CTNND2: variants seen among roughly 807,000 people sequenced by gnomAD.
The protein encoded by CTNND2 is catenin delta-2.
Under a neutral mutation model 144.4 loss-of-function variants are expected in CTNND2, and 22 were observed. The observed-to-expected ratio is 0.15, with a 90% CI of 0.11 to 0.22. The LOEUF is 0.22. Among genes scored for constraint, CTNND2 ranks in the 10% least tolerant of loss-of-function variants. CTNND2 has a pLI of 1.00. For missense variants in CTNND2, 1,353 were observed against 1,618.8 expected, an observed-to-expected ratio of 0.84 and a Z score of 2.82; for synonymous variants, 751 against 695.6, an observed-to-expected ratio of 1.08 and a Z score of -1.25.
At chr5:11,106,332 C>T (rs1390825868) in intron 14 of CTNND2, among the ~76,000 whole-genome samples, 4 of 152,208 alleles carry the variant, frequency 2.6e-5, no homozygotes, top group African/African-American at 4.8e-5. Flanking sequence ...TGGTTCGCCA[C>T]GTCATGGTAT....
rs1003101533 is a variant in CTNND2, at chr5:11,337,187, G to A, written c.1628+9185C>T. Among the ~76,000 whole-genome samples, 43 of 152,086 alleles carry A rather than the reference G, an allele frequency of 2.8e-4. 1 individual carries two copies. The highest frequency in any genetic ancestry group is 1.0e-3 in the African/African-American group (42 of 41,412). On this transcript the variant is annotated intron_variant, in intron 9 of 21. Transcript: ENST00000304623. ...AGCAGGAAATAAATGGGAAGCACAC[G>A]GATTTTAAATACAATCTGTGCATCC...
chr5:11,237,299 G>A (rs908015596), intron 9 of CTNND2, among the ~76,000 whole-genome samples: 3 of 152,122 alleles, frequency 2.0e-5, no homozygotes, highest in East Asian at 1.9e-4. Context: ...GATTACAGGC[G>A]TGAGCCAGCG....
chr5:11,598,929 G>A (rs1779651163), intron 2 of CTNND2, among the ~76,000 whole-genome samples: 1 of 152,130 alleles, frequency 6.6e-6, no homozygotes, highest in African/African-American at 2.4e-5. Flanking sequence ...GCATGGCTGG[G>A]GAGCCTCAGG....
At chr5:11,233,924 T>A (rs1741331204) in intron 10 of CTNND2, among the ~76,000 whole-genome samples, 1 of 151,950 alleles carries the variant, frequency 6.6e-6, no homozygotes, top group East Asian at 1.9e-4. Flanking sequence ...GCGCACTCAG[T>A]CATATACCAC....
chr5:10,980,134 A>AT (rs1737040373), intron 21 of CTNND2, among the ~76,000 whole-genome samples: 1 of 152,164 alleles, frequency 6.6e-6, no homozygotes, highest in Admixed American at 6.5e-5. Context: ...AATGGGAGAA[A>AT]TTTTTTGCAA....
chr5:11,674,711 G>A (rs943567223), intron 2 of CTNND2, among the ~76,000 whole-genome samples: 3 of 147,866 alleles, frequency 2.0e-5, no homozygotes, highest in Non-Finnish European at 3.0e-5. Context: ...TTTTTTGTTT[G>A]TTTGTTTGGT....
intron 2 of CTNND2, among the ~76,000 whole-genome samples, chr5:11,593,921 C>T (rs188490934): frequency 3.9e-5 from 5 of 128,492 alleles, no homozygotes; most frequent in Admixed American, 1.5e-4. Flanking sequence ...ACAGATAATG[C>T]CCAAATTGGC....
At chr5:11,334,508 T>C (rs781481447) in intron 9 of CTNND2, among the ~76,000 whole-genome samples, 19 of 152,236 alleles carry the variant, frequency 1.2e-4, no homozygotes, top group Non-Finnish European at 2.4e-4. Flanking sequence ...TGATTTCATA[T>C]CTGTCTTTCC....
intron 3 of CTNND2, among the ~76,000 whole-genome samples, chr5:11,534,859 T>C (rs1300872693): frequency 6.6e-6 from 1 of 152,152 alleles, no homozygotes; most frequent in Non-Finnish European, 1.5e-5. Context: ...TAACTTTTGT[T>C]CTGAAGTGAA....
chr5:11,672,503 G>A (rs1783926407), intron 2 of CTNND2, among the ~76,000 whole-genome samples: 1 of 152,156 alleles, frequency 6.6e-6, no homozygotes, highest in Admixed American at 6.5e-5. Flanking sequence ...ATCTAGACAT[G>A]TGGTTCACCT....
At chr5:11,252,474 G>C (rs185884958) in intron 9 of CTNND2, among the ~76,000 whole-genome samples, 1 of 152,116 alleles carries the variant, frequency 6.6e-6, no homozygotes, top group East Asian at 1.9e-4. Context: ...ATAAGCACTG[G>C]CATAAGTTCA....
In CTNND2 at chr5:11,903,951, C is replaced by A; in HGVS notation, c.-98G>T. The A allele has an allele frequency of 2.4e-6, 3 of 1,273,942 alleles. 1 individual carries two copies. The highest frequency in any genetic ancestry group is 4.5e-5 in the South Asian group (2 of 44,604). The allele number at this position is 1,273,942 out of a possible 1,614,324, so 78.9% of individuals were successfully genotyped here. A position where few individuals can be genotyped will look rare whatever the true frequency, so the allele number is the denominator to read the frequency against. On this transcript the variant is annotated 5_prime_UTR_variant, in exon 1 of 22. Coordinates refer to ENST00000304623, the MANE Select transcript of CTNND2 (RefSeq NM_001332.4). The surrounding 1 kb of genome is among the most constrained non-coding windows in gnomAD (Gnocchi z 5.4). ...TCCTGACCTTGCCCAACTGCAGCAT[C>A]TTCCGCTTTTGTTGTCTGAGCGCGG...
At chr5:11,036,566 G>A (rs1179734075) in intron 16 of CTNND2, among the ~76,000 whole-genome samples, 1 of 152,022 alleles carries the variant, frequency 6.6e-6, no homozygotes, top group African/African-American at 2.4e-5. Flanking sequence ...GATTACAGGT[G>A]CCCACCACCA....
chr5:11,311,825 A>AC (rs1750919590), intron 9 of CTNND2, among the ~76,000 whole-genome samples: 1 of 126,478 alleles, frequency 7.9e-6, no homozygotes, highest in Admixed American at 7.8e-5. Context: ...CTCAGCCCAC[A>AC]CTCACACACA....
At chr5:11,432,227 AAC>A (rs1763367934) in intron 3 of CTNND2, among the ~76,000 whole-genome samples, 1 of 151,108 alleles carries the variant, frequency 6.6e-6, no homozygotes, top group African/African-American at 2.4e-5. Flanking sequence ...AATACCTGGC[AAC>A]ACAGAAAGTG....
intron 2 of CTNND2, among the ~76,000 whole-genome samples, chr5:11,698,723 AAAATAT>A (rs1474083351): frequency 1.1e-4 from 17 of 152,168 alleles, no homozygotes; most frequent in African/African-American, 4.1e-4. Flanking sequence ...TTATCTAACT[AAAATAT>A]ACTTAATTTC....
At chr5:11,513,805 G>C (rs554377640) in intron 3 of CTNND2, among the ~76,000 whole-genome samples, 2 of 152,042 alleles carry the variant, frequency 1.3e-5, no homozygotes, top group African/African-American at 4.8e-5. Flanking sequence ...GTGTGGTCTA[G>C]AGACACATAG....
At chr5:11,518,179 T>C (rs530859268) in intron 3 of CTNND2, among the ~76,000 whole-genome samples, 3 of 152,198 alleles carry the variant, frequency 2.0e-5, no homozygotes, top group Non-Finnish European at 4.4e-5. Context: ...CCTAGTGATA[T>C]CATCTTGTTG....
intron 1 of CTNND2, among the ~76,000 whole-genome samples, chr5:11,872,200 A>G (rs981540961): frequency 1.3e-5 from 2 of 152,174 alleles, no homozygotes; most frequent in African/African-American, 4.8e-5. Flanking sequence ...GTGTCCCTGC[A>G]AAGGACATGA....
Sources: allele counts gnomAD v4.1 joint callset (sites outside exome capture counted in the v4.1 genomes callset), GRCh38; gene constraint gnomAD v4.1.1; non-coding constraint Gnocchi (gnomAD v3.1); transcripts MANE v1.5; gene names NCBI Gene and HGNC (gene_info 2026-07-23, HGNC 2026-07-21).